The following PRKN variants were observed in gnomAD, a reference collection of about 807,000 sequenced individuals.
The protein encoded by PRKN is parkin RBR E3 ubiquitin protein ligase.
In PRKN, 56 loss-of-function variants were observed where a neutral mutation model predicts 59.5. The observed-to-expected ratio is 0.94, with a 90% CI of 0.76 to 1.18. PRKN has a LOEUF of 1.18. PRKN is among the 50% of genes most tolerant of loss of function. The probability of loss-of-function intolerance (pLI) is 0.00; values close to 1 mark genes in which losing one functional copy is unlikely to be tolerated. For synonymous variants in PRKN, 250 were observed against 222.1 expected (o/e 1.13, Z -1.12); for missense variants, 657 against 596.4 (o/e 1.10, Z -1.06).
chr6:162,007,023 G>C (rs952192065), intron 5 of PRKN, among the ~76,000 whole-genome samples: 2 of 151,960 alleles, frequency 1.3e-5, no homozygotes, highest in African/African-American at 4.8e-5. Context: ...ATGAATAACT[G>C]AATGGATAAA....
At chr6:162,181,272 G>C (rs955416932) in intron 4 of PRKN, among the ~76,000 whole-genome samples, 4 of 152,188 alleles carry the variant, frequency 2.6e-5, no homozygotes, top group Non-Finnish European at 5.9e-5. Context: ...ATAGGAAAGG[G>C]AAGTGGGATT....
intron 2 of PRKN, among the ~76,000 whole-genome samples, chr6:162,285,487 T>C (rs985428215): frequency 8.5e-5 from 13 of 152,072 alleles, no homozygotes; most frequent in African/African-American, 2.7e-4. Flanking sequence ...ATTTCTGCAT[T>C]GAAAATAAGG....
intron 6 of PRKN, among the ~76,000 whole-genome samples, chr6:161,845,553 G>A (rs1449145877): frequency 6.6e-6 from 1 of 152,132 alleles, no homozygotes; most frequent in Non-Finnish European, 1.5e-5. Context: ...ATAGGACAAA[G>A]TCAGAAATCA....
intron 9 of PRKN, among the ~76,000 whole-genome samples, chr6:161,416,799 T>C (rs1443946347): frequency 6.6e-6 from 1 of 152,176 alleles, no homozygotes; most frequent in East Asian, 1.9e-4. Context: ...ACGGAGTTGA[T>C]ACACACCGAA....
At chr6:162,271,712 C>A (rs1780401615) in intron 2 of PRKN, among the ~76,000 whole-genome samples, 1 of 152,170 alleles carries the variant, frequency 6.6e-6, no homozygotes, top group Admixed American at 6.5e-5. Context: ...GATATTTTTT[C>A]ACTTGAACTC....
chr6:162,377,450 C>T (rs1786177701), intron 2 of PRKN, among the ~76,000 whole-genome samples: 1 of 152,198 alleles, frequency 6.6e-6, no homozygotes, highest in South Asian at 2.1e-4. Context: ...TCTTGAGTGC[C>T]CTGACGGGGG....
At chr6:161,455,689 C>T (rs1225081101) in intron 9 of PRKN, among the ~76,000 whole-genome samples, 2 of 151,772 alleles carry the variant, frequency 1.3e-5, no homozygotes, top group Admixed American at 1.3e-4. Flanking sequence ...CATGGTGAAA[C>T]CCCATCTCTA....
intron 9 of PRKN, among the ~76,000 whole-genome samples, chr6:161,421,297 TTGAA>T (rs1788095876): frequency 6.6e-6 from 1 of 152,176 alleles, no homozygotes; most frequent in Non-Finnish European, 1.5e-5. Context: ...TCAGGTGACT[TTGAA>T]TGGCAAAAAT....
In PRKN at chr6:161,458,356, T is replaced by G. The variant is rs1262613877; in HGVS notation, c.1084-71479A>C. On this transcript the variant is annotated intron_variant, in intron 9 of 11. Coordinates refer to ENST00000366898, the MANE Select transcript of PRKN (RefSeq NM_004562.3). The surrounding 1 kb of genome is among the most constrained non-coding windows in gnomAD (Gnocchi z 6.1). Reference sequence around the variant, plus strand: ...AAGCACTTTCATCCAGCATCTCGGGTGCCTGGTGTGATCGACCATAAGTGC... The same window carrying G: ...AAGCACTTTCATCCAGCATCTCGGGGGCCTGGTGTGATCGACCATAAGTGC... Among the ~76,000 whole-genome samples the G allele has an allele frequency of 1.3e-5, 2 of 152,140 alleles. No homozygotes were observed. The highest frequency in any genetic ancestry group is 3.9e-4 in the East Asian group (2 of 5,180).
At chr6:162,289,149 G>A (rs1781319090) in intron 2 of PRKN, among the ~76,000 whole-genome samples, 1 of 149,526 alleles carries the variant, frequency 6.7e-6, no homozygotes, top group Non-Finnish European at 1.5e-5. Context: ...GGCATCGGCA[G>A]GGCTGGTTCC....
At chr6:161,611,353 A>T (rs1173215624) in intron 7 of PRKN, among the ~76,000 whole-genome samples, 1 of 152,218 alleles carries the variant, frequency 6.6e-6, no homozygotes, top group Non-Finnish European at 1.5e-5. Flanking sequence ...CAGATGCTGC[A>T]GTTTTTACGC....
At chr6:161,481,445 A>G (rs1175480431) in intron 9 of PRKN, among the ~76,000 whole-genome samples, 1 of 152,150 alleles carries the variant, frequency 6.6e-6, no homozygotes, top group Non-Finnish European at 1.5e-5. Context: ...TCTACTAAAA[A>G]TACAAAAAAT....
intron 9 of PRKN, among the ~76,000 whole-genome samples, chr6:161,531,464 G>A (rs936648250): frequency 6.6e-6 from 1 of 152,094 alleles, no homozygotes; most frequent in African/African-American, 2.4e-5. Flanking sequence ...GGAAACTGAT[G>A]CACTCCCACA....
intron 6 of PRKN, among the ~76,000 whole-genome samples, chr6:161,889,873 T>A (rs1194871521): frequency 2.0e-5 from 3 of 152,348 alleles, no homozygotes; most frequent in Non-Finnish European, 2.9e-5. Flanking sequence ...GTAATTTTTT[T>A]AATGTTTTCA....
At chr6:161,753,304 G>T (rs112890592) in intron 7 of PRKN, among the ~76,000 whole-genome samples, 1 of 152,068 alleles carries the variant, frequency 6.6e-6, no homozygotes, top group South Asian at 2.1e-4. Context: ...ACACAGAGAG[G>T]GCATGGAGAT....
chr6:161,528,369 AC>A (rs72455015), intron 9 of PRKN, among the ~76,000 whole-genome samples: 10,884 of 152,098 alleles, frequency 0.072, 520 homozygotes, highest in African/African-American at 0.13. Flanking sequence ...CTGTTCCTCC[AC>A]CCCTTCCATG....
At chr6:161,539,611 T>C (rs1048295307) in intron 9 of PRKN, among the ~76,000 whole-genome samples, 4 of 152,208 alleles carry the variant, frequency 2.6e-5, no homozygotes, top group Admixed American at 6.5e-5. Context: ...ATTACTAAGT[T>C]TAATTAAGAA....
At chr6:162,502,166 C>T (rs774614879) in intron 1 of PRKN, among the ~76,000 whole-genome samples, 5 of 152,064 alleles carry the variant, frequency 3.3e-5, no homozygotes, top group African/African-American at 7.2e-5. Flanking sequence ...AGGCATCCCA[C>T]GCCCCTCTTT....
At chr6:161,847,280 C>G (rs986070654) in intron 6 of PRKN, among the ~76,000 whole-genome samples, 5 of 151,898 alleles carry the variant, frequency 3.3e-5, no homozygotes, top group Admixed American at 6.6e-5. Context: ...TGTAGTCCAG[C>G]CTGGTGACAG....
Sources: allele counts gnomAD v4.1 joint callset (sites outside exome capture counted in the v4.1 genomes callset), GRCh38; gene constraint gnomAD v4.1.1; non-coding constraint Gnocchi (gnomAD v3.1); transcripts MANE v1.5; gene names NCBI Gene and HGNC (gene_info 2026-07-23, HGNC 2026-07-21).